SLURP2: variants seen among roughly 807,000 people sequenced by gnomAD.
The protein encoded by SLURP2 is secreted LY6/PLAUR domain containing 2.
SLURP2 carries 4 observed loss-of-function variants against 9.8 expected under a neutral mutation model. That is an observed-to-expected ratio of 0.41 (90% CI 0.20 to 0.94). SLURP2 has a LOEUF of 0.94. SLURP2 is among the 40% of genes least tolerant of loss of function. The pLI, the probability that SLURP2 is intolerant of heterozygous loss-of-function variation, is 0.32. For missense variants in SLURP2, 118 were observed against 126.4 expected, an observed-to-expected ratio of 0.93 and a Z score of 0.32; for synonymous variants, 58 against 56.2, an observed-to-expected ratio of 1.03 and a Z score of -0.15.
At chr8:142,764,784 G>A in intron 2 of SLURP2, 43 bp from the exon 3 acceptor site, 2 of 1,606,594 alleles carry the variant, frequency 1.2e-6, no homozygotes. Context: ...CTGAGGCTCT[G>A]GTTTGCCCAG....
chr8:142,768,207 AT>A lies in SLURP2; in HGVS notation c.52+1547del, dbSNP rs1207990316. On this transcript the variant is annotated intron_variant, in intron 1 of 2. Transcript: ENST00000317543. The surrounding 1 kb of genome is among the most constrained non-coding windows in gnomAD (Gnocchi z 4.8). ...GAAGGAAGGGAAGGAGGGAGGAGGA[AT>A]AGAGAGGAGGAGGGAGGTGGGGTGG... is the stretch of plus-strand genomic sequence containing the variant. Among the ~76,000 whole-genome samples the A allele has an allele frequency of 2.0e-5, 2 of 102,290 alleles. No homozygotes were observed. Among genetic ancestry groups the A allele is most frequent in the Non-Finnish European group, 3.8e-5 (2 of 52,824 alleles). The allele number at this position is 102,290 out of a possible 152,430, so 67.1% of individuals were successfully genotyped here. A position where few individuals can be genotyped will look rare whatever the true frequency, so the allele number is the denominator to read the frequency against.
intron 1 of SLURP2, among the ~76,000 whole-genome samples, chr8:142,767,030 A>G (rs1199103380): frequency 2.0e-5 from 3 of 152,356 alleles, no homozygotes; most frequent in Non-Finnish European, 4.4e-5. Flanking sequence ...AGCCCCAGTC[A>G]GTGCCAGCTC....
chr8:142,767,538 A>G (rs1239367713), intron 1 of SLURP2, among the ~76,000 whole-genome samples: 1 of 152,150 alleles, frequency 6.6e-6, no homozygotes, highest in East Asian at 1.9e-4. Context: ...GGAGAGAACC[A>G]GCTCCAGCCT....
At position 142,764,396 on chromosome 8, in the gene SLURP2, C is replaced by G; in HGVS notation, c.*209G>C. 1.5e-6 allele frequency: 1 copy of G among 673,588 alleles called. No individual in the cohort carries two copies. Among genetic ancestry groups the G allele is most frequent in the South Asian group, 1.6e-5 (1 of 62,016 alleles). 41.7% of individuals were successfully genotyped at this position (673,588 alleles called of 1,614,324 possible). On this transcript the variant is annotated 3_prime_UTR_variant, in exon 3 of 3. Transcript: ENST00000317543. ...GGGAGGTCGGGACCTGAAGGGGCGGCAGGCACGATGGGCCCCAGGCTTGGA... is the reference window on the plus strand; with the variant it reads ...GGGAGGTCGGGACCTGAAGGGGCGGGAGGCACGATGGGCCCCAGGCTTGGA...
chr8:142,767,484 C>T (rs767970659), intron 1 of SLURP2, among the ~76,000 whole-genome samples: 1 of 152,178 alleles, frequency 6.6e-6, no homozygotes, highest in African/African-American at 2.4e-5. Flanking sequence ...GAGGCTGGGG[C>T]ACCAGAAGGA....
intron 1 of SLURP2, among the ~76,000 whole-genome samples, chr8:142,769,384 G>T (rs1288312335): frequency 6.6e-6 from 1 of 151,904 alleles, no homozygotes; most frequent in African/African-American, 2.4e-5. Context: ...AACCAGCTGG[G>T]AGGCCAGGCC....
At chr8:142,765,610 C>G (rs1461155942) in intron 1 of SLURP2, among the ~76,000 whole-genome samples, 3 of 152,122 alleles carry the variant, frequency 2.0e-5, no homozygotes, top group African/African-American at 7.2e-5. Context: ...CCTGCCTCCA[C>G]AGGGAGCCCA....
chr8:142,769,289 G>A (rs1316620807), intron 1 of SLURP2, among the ~76,000 whole-genome samples: 2 of 151,956 alleles, frequency 1.3e-5, no homozygotes, highest in Non-Finnish European at 1.5e-5. Flanking sequence ...CCCGGGAGCA[G>A]GAACTGGGGA....
At chr8:142,765,962 CAAAAAAA>C (rs59995141) in intron 1 of SLURP2, among the ~76,000 whole-genome samples, 1 of 76,370 alleles carries the variant, frequency 1.3e-5, no homozygotes, top group African/African-American at 4.9e-5. Flanking sequence ...GACTCCACCT[CAAAAAAA>C]AAAACAAAAA....
At chr8:142,767,268 C>A (rs1223728657) in intron 1 of SLURP2, among the ~76,000 whole-genome samples, 2 of 152,248 alleles carry the variant, frequency 1.3e-5, no homozygotes, top group African/African-American at 2.4e-5. Context: ...CCCCGGAGAG[C>A]AAGCTGAGAC....
chr8:142,764,487 T>C lies in SLURP2; in HGVS notation c.*118A>G. Reference sequence around the variant, plus strand: ...AGGACAAGCGGTGCTGGACGGTGGCTGCAGAGGCCGGGAGAGGTGGGCTGG... The same window carrying C: ...AGGACAAGCGGTGCTGGACGGTGGCCGCAGAGGCCGGGAGAGGTGGGCTGG... On this transcript the variant is annotated 3_prime_UTR_variant, in exon 3 of 3. Transcript: ENST00000317543. 1 of 1,060,628 alleles carries C rather than the reference T, an allele frequency of 9.4e-7. No individual in the cohort carries two copies. Among genetic ancestry groups the C allele is most frequent in the African/African-American group, 1.6e-5 (1 of 63,192 alleles). The allele number at this position is 1,060,628 out of a possible 1,614,324, so 65.7% of individuals were successfully genotyped here.
intron 1 of SLURP2, among the ~76,000 whole-genome samples, chr8:142,767,262 G>A (rs1444060848): frequency 2.0e-5 from 3 of 152,202 alleles, no homozygotes; most frequent in African/African-American, 4.8e-5. Context: ...TACCAGCCCC[G>A]GAGAGCAAGC....
chr8:142,769,512 G>T (rs1018263338), intron 1 of SLURP2, among the ~76,000 whole-genome samples: 1 of 143,464 alleles, frequency 7.0e-6, no homozygotes, highest in African/African-American at 2.5e-5. Context: ...GGAAGAGGGG[G>T]GTTTGAGCCA....
Position 142,764,481 on chromosome 8 carries a change from G to T in SLURP2, c.*124C>A, listed in dbSNP as rs780092751. 6 of 992,996 alleles carry T rather than the reference G, an allele frequency of 6.0e-6. No individual in the cohort carries two copies. The highest frequency in any genetic ancestry group is 7.7e-6 in the Non-Finnish European group (5 of 647,662). 61.5% of individuals were successfully genotyped at this position (992,996 alleles called of 1,614,324 possible). The stretch of plus-strand genomic sequence containing the variant: ...TTCCCTAGGACAAGCGGTGCTGGAC[G>T]GTGGCTGCAGAGGCCGGGAGAGGTG... On this transcript the variant is annotated 3_prime_UTR_variant, in exon 3 of 3. Transcript: ENST00000317543.
rs1456781792 is a variant in SLURP2 at position 142,768,235 on chromosome 8, G to A, written c.52+1520C>T. Among the ~76,000 whole-genome samples, 1 of 136,056 alleles carries A rather than the reference G, an allele frequency of 7.3e-6. No homozygotes were observed. The highest frequency in any genetic ancestry group is 2.7e-5 in the African/African-American group (1 of 37,678). 89.3% of individuals were successfully genotyped at this position (136,056 alleles called of 152,430 possible). On this transcript the variant is annotated intron_variant, in intron 1 of 2. Coordinates refer to ENST00000317543, the MANE Select transcript of SLURP2 (RefSeq NM_177458.3). The surrounding 1 kb of genome is among the most constrained non-coding windows in gnomAD (Gnocchi z 4.8). ...GAGAGGAGGAGGGAGGTGGGGTGGGGGGGAGGGGGCAGGAATAATGGAGGG... is the reference window on the plus strand; with the variant it reads ...GAGAGGAGGAGGGAGGTGGGGTGGGAGGGAGGGGGCAGGAATAATGGAGGG...
Position 142,764,564 on chromosome 8 carries a change from T to A in SLURP2, c.*41A>T. 1 of 1,588,922 alleles carries A rather than the reference T, an allele frequency of 6.3e-7. No homozygotes were observed. Among genetic ancestry groups the A allele is most frequent in the Non-Finnish European group, 8.5e-7 (1 of 1,169,700 alleles). On this transcript the variant is annotated 3_prime_UTR_variant, in exon 3 of 3. Coordinates refer to ENST00000317543, the MANE Select transcript of SLURP2 (RefSeq NM_177458.3). ...AGCCCTGGCGCCAGGCTGTGGGGGC[T>A]GTGGGGGCTGAGCGTCCGGGGGCCT... is the stretch of plus-strand genomic sequence containing the variant.
At position 142,764,674 on chromosome 8, in the gene SLURP2, G is replaced by T. The variant is rs770454364; in HGVS notation, c.225C>A (p.Ile75=). The change falls in exon 3 of 3, where the codon ATC becomes ATA. Residue 75 remains isoleucine, a synonymous_variant. Transcript: ENST00000317543. Reference sequence around the variant, plus strand: ...CGTAGGGGCCCAGGCCCAGGCTGGGGATATCGGGGCAGCCTATGTGGCACA... The same window carrying T: ...CGTAGGGGCCCAGGCCCAGGCTGGGTATATCGGGGCAGCCTATGTGGCACA... ...TKMCHIGCPD[I]PSLGLGPYVS... 3 of 1,612,394 alleles carry T rather than the reference G, an allele frequency of 1.9e-6. No individual in the cohort carries two copies. The African/African-American group carries it at 4.0e-5, about 22-fold the overall frequency.
Position 142,768,120 on chromosome 8 carries a change from C to A in SLURP2, c.52+1635G>T, listed in dbSNP as rs1156688355. 6.9e-6 allele frequency among the ~76,000 whole-genome samples: 1 copy of A among 145,196 alleles called. No individual in the cohort carries two copies. The highest frequency in any genetic ancestry group is 1.5e-5 in the Non-Finnish European group (1 of 66,556). ...AGTGTTCAGACTGGCGCCTGACACA[C>A]GGGAGGGAGGGGAGATCAGGGGGAG... On this transcript the variant is annotated intron_variant, in intron 1 of 2. Coordinates refer to ENST00000317543, the MANE Select transcript of SLURP2 (RefSeq NM_177458.3). The surrounding 1 kb of genome is among the most constrained non-coding windows in gnomAD (Gnocchi z 4.8).
intron 1 of SLURP2, 125 bp from the exon 2 acceptor site, chr8:142,765,265 G>T: frequency 1.4e-6 from 1 of 730,720 alleles, no homozygotes; most frequent in Non-Finnish European, 2.3e-6. Flanking sequence ...CCAGTGTCCC[G>T]ACCCTGTGAT....
Sources: allele counts gnomAD v4.1 joint callset (sites outside exome capture counted in the v4.1 genomes callset), GRCh38; gene constraint gnomAD v4.1.1; non-coding constraint Gnocchi (gnomAD v3.1); transcripts MANE v1.5; gene names NCBI Gene and HGNC (gene_info 2026-07-23, HGNC 2026-07-21).